ANKRD28: variants seen among roughly 807,000 people sequenced by gnomAD.
ANKRD28 encodes the protein serine/threonine-protein phosphatase 6 regulatory ankyrin repeat subunit A.
ANKRD28 carries 44 observed loss-of-function variants against 126.5 expected under a neutral mutation model. The observed-to-expected ratio is 0.35, with a 90% CI of 0.27 to 0.45. The LOEUF is 0.45. Ranked by LOEUF, ANKRD28 falls within the 20% of genes least tolerant of loss-of-function variation. The pLI, the probability that ANKRD28 is intolerant of heterozygous loss-of-function variation, is 1.00. For missense variants in ANKRD28, 1,110 were observed against 1,316.6 expected (o/e 0.84, Z 2.43); for synonymous variants, 442 against 468.5 (o/e 0.94, Z 0.73).
At chr3:15,826,089 T>A (rs9873472) in intron 1 of ANKRD28, among the ~76,000 whole-genome samples, 102,011 of 152,064 alleles carry the variant, frequency 0.67, 34,734 homozygotes, top group East Asian at 0.91. Flanking sequence ...TCCACATATC[T>A]ATCTCAGAGA....
chr3:15,740,976 G>A (rs900772760), intron 4 of ANKRD28, among the ~76,000 whole-genome samples: 4 of 152,112 alleles, frequency 2.6e-5, no homozygotes, highest in Non-Finnish European at 5.9e-5. Context: ...CGAGGCAGGT[G>A]GATCACGAGG....
chr3:15,749,014 T>TAA (rs1465976093), intron 4 of ANKRD28, among the ~76,000 whole-genome samples: 3 of 152,064 alleles, frequency 2.0e-5, no homozygotes, highest in Non-Finnish European at 4.4e-5. Flanking sequence ...TGCATGTCTC[T>TAA]AAGTGTGACC....
Position 15,833,539 on chromosome 3 carries a change from AT to A in ANKRD28, c.27+25837del, listed in dbSNP as rs147548715. Reference sequence around the variant, plus strand: ...TATATATATATAAAATATATACATTATTTTTTATATATATAATGTGTGTGTG... The same window carrying A: ...TATATATATATAAAATATATACATTATTTTTATATATATAATGTGTGTGTG... On this transcript the variant is annotated intron_variant, in intron 1 of 27. Transcript: ENST00000399451. The surrounding 1 kb of genome is among the most constrained non-coding windows in gnomAD (Gnocchi z 4.4). 1.3e-4 allele frequency among the ~76,000 whole-genome samples: 19 copies of A among 148,638 alleles called. No individual in the cohort carries two copies. Among genetic ancestry groups the A allele is most frequent in the Non-Finnish European group, 2.4e-4 (16 of 67,370 alleles).
chr3:15,791,036 C>T (rs1473335310), intron 2 of ANKRD28, among the ~76,000 whole-genome samples: 2 of 151,866 alleles, frequency 1.3e-5, no homozygotes, highest in African/African-American at 4.8e-5. Flanking sequence ...TTACAATAGC[C>T]ATACATAAAA....
intron 12 of ANKRD28, 43 bp downstream of exon 12, chr3:15,711,168 C>T: frequency 6.7e-7 from 1 of 1,487,196 alleles, no homozygotes; most frequent in Non-Finnish European, 9.3e-7. Context: ...CCTGCCATGA[C>T]CAGCTATCTT....
chr3:15,730,021 T>G (rs1229287065), intron 6 of ANKRD28, among the ~76,000 whole-genome samples: 1 of 152,068 alleles, frequency 6.6e-6, no homozygotes, highest in African/African-American at 2.4e-5. Flanking sequence ...CCAGCTAATA[T>G]TAATTTTCTT....
upstream of ANKRD28, among the ~76,000 whole-genome samples, chr3:15,799,685 T>C (rs2060419232): frequency 6.6e-6 from 1 of 152,034 alleles, no homozygotes; most frequent in Admixed American, 6.6e-5. Flanking sequence ...ATCTTAACAA[T>C]CTTAACTTGT....
At chr3:15,714,532 GA>G (rs5846873) in intron 9 of ANKRD28, 45 bp downstream of exon 9, 8,285 of 1,080,706 alleles carry the variant, frequency 7.7e-3, no homozygotes, top group East Asian at 0.021. Flanking sequence ...CTACATTTAA[GA>G]AAAAAAAAAA....
intron 16 of ANKRD28, 103 bp downstream of exon 16, chr3:15,695,085 T>G (rs961667436): frequency 2.0e-6 from 2 of 976,246 alleles, no homozygotes; most frequent in Non-Finnish European, 3.2e-6. Context: ...GTGCCTAATA[T>G]GTAAAAACAC....
intron 17 of ANKRD28, among the ~76,000 whole-genome samples, chr3:15,692,432 AGAGT>A (rs1160730243): frequency 1.3e-5 from 2 of 152,252 alleles, no homozygotes; most frequent in Non-Finnish European, 2.9e-5. Context: ...CCTGGATGAC[AGAGT>A]GAGACAATGA....
At chr3:15,787,615 T>C (rs2059837568) in intron 2 of ANKRD28, among the ~76,000 whole-genome samples, 1 of 152,148 alleles carries the variant, frequency 6.6e-6, no homozygotes, top group South Asian at 2.1e-4. Flanking sequence ...AAAGACCATG[T>C]ACACACATAT....
chr3:15,790,621 G>A (rs1023177312), intron 2 of ANKRD28, among the ~76,000 whole-genome samples: 12 of 151,860 alleles, frequency 7.9e-5, no homozygotes, highest in African/African-American at 2.9e-4. Context: ...TCAAAAAACT[G>A]GATATGGAAG....
At chr3:15,775,209 C>G (rs2059201900) in intron 2 of ANKRD28, among the ~76,000 whole-genome samples, 1 of 152,198 alleles carries the variant, frequency 6.6e-6, no homozygotes, top group Non-Finnish European at 1.5e-5. Context: ...ATAAAAGAGG[C>G]TGGCTATATG....
At chr3:15,822,348 T>C (rs1217373131) in intron 1 of ANKRD28, among the ~76,000 whole-genome samples, 1 of 152,334 alleles carries the variant, frequency 6.6e-6, no homozygotes, top group East Asian at 1.9e-4. Context: ...TGCCAAATTA[T>C]AGCCGATTGC....
intron 4 of ANKRD28, among the ~76,000 whole-genome samples, chr3:15,737,756 C>A (rs1349509832): frequency 6.6e-6 from 1 of 152,012 alleles, no homozygotes; most frequent in East Asian, 1.9e-4. Context: ...ATGAGCCAGT[C>A]ATAGAGCCAC....
intron 3 of ANKRD28, among the ~76,000 whole-genome samples, chr3:15,765,852 A>ACC (rs1216504705): frequency 4.0e-5 from 6 of 151,128 alleles, no homozygotes; most frequent in African/African-American, 1.5e-4. Context: ...AAAACCAAAA[A>ACC]AAAAAAAAAA....
rs745621794 is a variant in ANKRD28, at chr3:15,713,558, T to C, written c.1159A>G (p.Thr387Ala). The change falls in exon 10 of 28, where the codon ACT (threonine) becomes GCT (alanine). Residue 387 changes from threonine (T) to alanine (A), a missense_variant. Thr to Ala is a moderately conservative substitution (Grantham distance 58). Transcript: ENST00000683139. Reference sequence around the variant, plus strand: ...GTGTCAGCACCACTTGTAATAAGAGTGTTGATCAGCAGCTCATGGCCATAC... The same window carrying C: ...GTGTCAGCACCACTTGTAATAAGAGCGTTGATCAGCAGCTCATGGCCATAC... ...ARYGHELLIN[T>A]LITSGADTAK... 9.9e-6 allele frequency: 16 copies of C among 1,611,448 alleles called. No individual in the cohort carries two copies. The African/African-American group carries it at 1.6e-4, about 16-fold the overall frequency.
At chr3:15,781,113 T>C (rs1477005648) in intron 2 of ANKRD28, among the ~76,000 whole-genome samples, 2 of 151,410 alleles carry the variant, frequency 1.3e-5, no homozygotes, top group Admixed American at 6.6e-5. Flanking sequence ...AAAAATCACA[T>C]GTATATATTA....
rs758165366 is a variant in ANKRD28, at chr3:15,852,955, T to C, written c.27+6422A>G. ...ACTCTACTATGTAAGCCAATCAGCA[T>C]ACACATAGAAGAATCCTGGTAACTT... On this transcript the variant is annotated intron_variant, in intron 1 of 27. Transcript: ENST00000399451. Among the ~76,000 whole-genome samples the C allele has an allele frequency of 3.0e-4, 45 of 151,398 alleles. 5 individuals carry two copies. The highest frequency in any genetic ancestry group is 9.9e-4 in the Admixed American group (15 of 15,212).
Sources: gnomAD v4.1 joint callset for allele counts (sites outside exome capture counted in the v4.1 genomes callset) on GRCh38, gnomAD v4.1.1 for gene constraint, Gnocchi (gnomAD v3.1) non-coding constraint, MANE v1.5 for transcripts, NCBI Gene and HGNC (gene_info 2026-07-23, HGNC 2026-07-21) for gene names.